Variants in HERC1 observed in about 807,000 individuals in gnomAD.
HERC1 encodes probable E3 ubiquitin-protein ligase HERC1.
In HERC1, 160 loss-of-function variants were observed where a neutral mutation model predicts 554.3. The observed-to-expected ratio is 0.29, with a 90% CI of 0.25 to 0.33. HERC1 has a LOEUF of 0.33. Among genes scored for constraint, HERC1 ranks in the 10% least tolerant of loss-of-function variants. HERC1 has a pLI of 1.00. For missense variants in HERC1, 4,919 were observed against 5,918.5 expected (o/e 0.83, Z 5.54); for synonymous variants, 2,175 against 2,131.7 (o/e 1.02, Z -0.56).
chr15:63,728,939 T>TTA (rs1555430112), intron 16 of HERC1, among the ~76,000 whole-genome samples: 1,723 of 145,116 alleles, frequency 0.012, 17 homozygotes, highest in Non-Finnish European at 0.017. Context: ...GAGCAGGTTT[T>TTA]AAAAAAAAAA....
At chr15:63,782,044 A>C (rs1390215836) in intron 1 of HERC1, among the ~76,000 whole-genome samples, 1 of 152,250 alleles carries the variant, frequency 6.6e-6, no homozygotes, top group Non-Finnish European at 1.5e-5. Context: ...CATGAGGCTT[A>C]AGGAAAGAAC....
At chr15:63,676,572 C>T (rs372144787) in intron 37 of HERC1, among the ~76,000 whole-genome samples, 16 of 152,072 alleles carry the variant, frequency 1.1e-4, no homozygotes, top group African/African-American at 3.9e-4. Flanking sequence ...ACCTGGGTAA[C>T]ATGGTGAAAC....
At chr15:63,630,691 C>T in intron 68 of HERC1, 56 bp from the exon 69 acceptor site, 1 of 1,522,180 alleles carries the variant, frequency 6.6e-7, no homozygotes, top group Non-Finnish European at 8.9e-7. Flanking sequence ...CAACACAGTG[C>T]TTTTATATTT....
chr15:63,703,914 C>G (rs1194974464), intron 25 of HERC1, among the ~76,000 whole-genome samples: 1 of 145,650 alleles, frequency 6.9e-6, no homozygotes, highest in Admixed American at 6.8e-5. Flanking sequence ...AAGACACTGT[C>G]TCAAAAAAAA....
chr15:63,702,425 C>T (rs2072768515), intron 25 of HERC1, among the ~76,000 whole-genome samples: 1 of 152,110 alleles, frequency 6.6e-6, no homozygotes, highest in African/African-American at 2.4e-5. Context: ...ATAATCAAAC[C>T]ACACAGTATT....
chr15:63,615,370 A>T (rs1294171244), intron 76 of HERC1, among the ~76,000 whole-genome samples: 1 of 152,192 alleles, frequency 6.6e-6, no homozygotes, highest in Non-Finnish European at 1.5e-5. Flanking sequence ...ACACTTTGGG[A>T]AGCTGAGGCA....
intron 19 of HERC1, among the ~76,000 whole-genome samples, chr15:63,722,457 C>G (rs1374824653): frequency 1.3e-5 from 2 of 152,206 alleles, no homozygotes; most frequent in Non-Finnish European, 1.5e-5. Context: ...TCTCCCTTAT[C>G]CATGATCTTG....
chr15:63,636,006 C>A lies in HERC1; in HGVS notation c.12369G>T (p.Arg4123=), dbSNP rs752401247. The A allele has an allele frequency of 6.2e-7, 1 of 1,613,960 alleles. No individual in the cohort carries two copies. ...KLGHGNSDRQ[R]RPRQIEALQG... is the part of the protein sequence containing the mutation. The stretch of plus-strand genomic sequence containing the variant: ...GTAAGGCCTCGATCTGCCTGGGCCG[C>A]CGCTGCCTGTCGCTGTTCCCATGGC... Residue 4123 remains arginine (R), a synonymous_variant, in exon 65 of 78, where the codon CGG becomes CGT. Coordinates refer to ENST00000443617, the MANE Select transcript of HERC1 (RefSeq NM_003922.4).
At chr15:63,711,956 A>G (rs973962434) in intron 24 of HERC1, among the ~76,000 whole-genome samples, 26 of 152,230 alleles carry the variant, frequency 1.7e-4, no homozygotes, top group African/African-American at 6.3e-4. Context: ...AAGTTCCTCA[A>G]GTAGAAGCAA....
chr15:63,778,821 G>A (rs776184423), intron 1 of HERC1, among the ~76,000 whole-genome samples: 2 of 151,966 alleles, frequency 1.3e-5, no homozygotes, highest in Admixed American at 6.6e-5. Flanking sequence ...CCCTGATGAC[G>A]ACAAAGCAAA....
Position 63,698,898 on chromosome 15 carries a change from C to G in HERC1, c.4735G>C (p.Asp1579His). ...CCCAAAGACTTGGTAAGATCAAAAT[C>G]TGACTCAAAGGAATAGGAGGAGTTG... The part of the protein sequence containing the change: ...LCNSSYSFES[D>H]FDLTKSLGVH... Residue 1579 changes from aspartate (D) to histidine (H), a missense_variant, in exon 26 of 78, where the codon GAT becomes CAT. This residue lies in a region of HERC1 where 1,121 missense variants were observed against 1,244.0 expected (regional missense o/e 0.90). Transcript: ENST00000443617. 6.2e-7 allele frequency: 1 copy of G among 1,613,990 alleles called. No individual in the cohort carries two copies. Among genetic ancestry groups the G allele is most frequent in the Non-Finnish European group, 8.5e-7 (1 of 1,179,854 alleles).
At chr15:63,721,393 G>A (rs900898143) in intron 19 of HERC1, among the ~76,000 whole-genome samples, 1 of 152,118 alleles carries the variant, frequency 6.6e-6, no homozygotes, top group African/African-American at 2.4e-5. Flanking sequence ...GGGTGTGGTG[G>A]TGCAGGCCTG....
chr15:63,831,175 C>T (rs1468416788), intron 1 of HERC1, among the ~76,000 whole-genome samples: 3 of 152,158 alleles, frequency 2.0e-5, no homozygotes, highest in Admixed American at 1.3e-4. Context: ...GGTGCAATCA[C>T]AGCTCACTGC....
chr15:63,630,806 TA>T (rs1435897198), intron 68 of HERC1, 171 bp from the exon 69 acceptor site: 1 of 534,912 alleles, frequency 1.9e-6, no homozygotes, highest in Admixed American at 3.8e-5. Flanking sequence ...TCTGAATAAA[TA>T]AAAAGTGTGA....
chr15:63,672,703 C>CAAA lies in HERC1; in HGVS notation c.7847-12_7847-10dup. 1 of 1,541,150 alleles carries CAAA rather than the reference C, an allele frequency of 6.5e-7. No homozygotes were observed. The highest frequency in any genetic ancestry group is 8.8e-7 in the Non-Finnish European group (1 of 1,141,234). On this transcript the variant is annotated splice_polypyrimidine_tract_variant and intron_variant, in intron 38 of 77. Transcript: ENST00000443617. ...AGCTTGTTGATCAATCTCTAGAAAC[C>CAAA]AAAAAAAAGGTTAAGAAAGTAGTAA...
chr15:63,628,859 G>A lies in HERC1; in HGVS notation c.12967-44C>T, dbSNP rs116326284. On this transcript the variant is annotated intron_variant, in intron 69 of 77. Coordinates refer to ENST00000443617, the MANE Select transcript of HERC1 (RefSeq NM_003922.4). Reference sequence around the variant, plus strand: ...TATACAGACATTCAATTAGAAAGAGGAAGAGAGGAAGTCAATATGAAATTT... The same window carrying A: ...TATACAGACATTCAATTAGAAAGAGAAAGAGAGGAAGTCAATATGAAATTT... The A allele has an allele frequency of 1.3e-3, 2,116 of 1,581,856 alleles. 30 individuals are homozygous for A. In the African/African-American group the frequency reaches 0.026, roughly 19 times the overall value.
intron 21 of HERC1, among the ~76,000 whole-genome samples, chr15:63,716,912 T>C (rs1354791679): frequency 6.6e-6 from 1 of 152,252 alleles, no homozygotes; most frequent in East Asian, 1.9e-4. Context: ...TAAAACAGTA[T>C]TGGTTTTAAT....
At chr15:63,820,420 C>A (rs1387940777) in intron 1 of HERC1, among the ~76,000 whole-genome samples, 2 of 152,206 alleles carry the variant, frequency 1.3e-5, no homozygotes, top group East Asian at 3.9e-4. Flanking sequence ...TAACGGCCCA[C>A]GATGCTTCTA....
Position 63,713,343 on chromosome 15 carries a change from T to G in HERC1, c.4463+10A>C. 6.2e-7 allele frequency: 1 copy of G among 1,609,534 alleles called. No individual in the cohort carries two copies. Among genetic ancestry groups the G allele is most frequent in the Non-Finnish European group, 8.5e-7 (1 of 1,176,396 alleles). The stretch of plus-strand genomic sequence containing the variant: ...AGTAGGTCATGTTTTCAGTGTCTAG[T>G]CAGTCCCACCTGGTCATAAGTCCAC... On this transcript the variant is annotated intron_variant, in intron 23 of 77. Coordinates refer to ENST00000443617, the MANE Select transcript of HERC1 (RefSeq NM_003922.4).
Sources: allele counts gnomAD v4.1 joint callset (sites outside exome capture counted in the v4.1 genomes callset), GRCh38; gene constraint gnomAD v4.1.1; regional missense constraint gnomAD v4.1.1; transcripts MANE v1.5; gene names NCBI Gene and HGNC (gene_info 2026-07-23, HGNC 2026-07-21).